The following KLRG1 variants were observed in gnomAD, a reference collection of about 807,000 sequenced individuals.
The protein encoded by KLRG1 is killer cell lectin-like receptor subfamily G member 1.
In KLRG1, 16 loss-of-function variants were observed where a neutral mutation model predicts 21.8. The ratio of observed to expected loss-of-function variants is 0.73; its 90% CI spans 0.50 to 1.11. The LOEUF (loss-of-function observed/expected upper bound fraction) is 1.11. KLRG1 is among the 50% of genes most tolerant of loss of function. KLRG1 has a pLI of 0.00. For missense variants in KLRG1, 173 were observed against 218.3 expected (o/e 0.79, Z 1.31); for synonymous variants, 69 against 75.9 (o/e 0.91, Z 0.47).
the KLRG1 span, among the ~76,000 whole-genome samples, chr12:9,059,455 T>G: frequency 6.6e-6 from 1 of 152,206 alleles, no homozygotes; most frequent in East Asian, 1.9e-4. Context: ...ATTCTTACAT[T>G]GGATTAAAAA....
At chr12:9,079,810 T>C in the KLRG1 span, 221 of 1,604,592 alleles carry the variant, frequency 1.4e-4, no homozygotes, top group Non-Finnish European at 1.7e-4. Context: ...GAGCCTAATA[T>C]GTCTCCTAGA....
chr12:9,067,772 TG>T, the KLRG1 span: 1 of 1,586,598 alleles, frequency 6.3e-7, no homozygotes. Flanking sequence ...GTGTCTTCTG[TG>T]GAGCTCTGAG....
At chr12:9,070,344 T>C in the KLRG1 span, 1 of 641,816 alleles carries the variant, frequency 1.6e-6, no homozygotes, top group Non-Finnish European at 2.8e-6. Flanking sequence ...TACAAACACA[T>C]GTGATTATAT....
At chr12:9,046,010 C>T in the KLRG1 span, among the ~76,000 whole-genome samples, 7 of 152,098 alleles carry the variant, frequency 4.6e-5, no homozygotes, top group Non-Finnish European at 7.4e-5. Context: ...CGGAGGGGAA[C>T]GACAGACACT....
At chr12:9,125,214 C>T in the KLRG1 span, among the ~76,000 whole-genome samples, 4 of 152,224 alleles carry the variant, frequency 2.6e-5, no homozygotes, top group Non-Finnish European at 4.4e-5. Flanking sequence ...GACCTGCCTA[C>T]GGAGAGGAGC....
At chr12:9,085,587 C>A in the KLRG1 span, among the ~76,000 whole-genome samples, 1 of 151,796 alleles carries the variant, frequency 6.6e-6, no homozygotes, top group Non-Finnish European at 1.5e-5. Context: ...TAATGATATT[C>A]CTCAGAGAAG....
the KLRG1 span, among the ~76,000 whole-genome samples, chr12:9,191,473 T>A: frequency 6.6e-6 from 1 of 152,044 alleles, no homozygotes; most frequent in African/African-American, 2.4e-5. Flanking sequence ...TTGTTTCAAT[T>A]TTCAAAACTG....
chr12:9,146,130 A>G, the KLRG1 span, among the ~76,000 whole-genome samples: 1 of 151,170 alleles, frequency 6.6e-6, no homozygotes, highest in Admixed American at 6.6e-5. Flanking sequence ...TTCTCTTTCT[A>G]TTCTCCTTTT....
the KLRG1 span, among the ~76,000 whole-genome samples, chr12:9,151,316 G>A: frequency 6.6e-6 from 1 of 152,142 alleles, no homozygotes; most frequent in Non-Finnish European, 1.5e-5. Flanking sequence ...TCGTCAGGGA[G>A]TGGGGCCTTT....
chr12:9,197,606 T>C, the KLRG1 span, among the ~76,000 whole-genome samples: 1 of 102,510 alleles, frequency 9.8e-6, no homozygotes, highest in South Asian at 2.7e-4. Context: ...AAATATAATA[T>C]ATATTATATA....
At position 9,009,481 on chromosome 12, in the gene KLRG1, C is replaced by G. The variant is rs1565555176; in HGVS notation, c.514C>G (p.Gln172Glu). 1.9e-6 allele frequency: 3 copies of G among 1,613,840 alleles called. No individual in the cohort carries two copies. Among genetic ancestry groups the G allele is most frequent in the East Asian group, 4.5e-5 (2 of 44,852 alleles). Residue 172 changes from glutamine to glutamate, a missense_variant, in exon 5 of 5, where the codon CAA (glutamine) becomes GAA (glutamate). By Grantham distance (29) the Gln-to-Glu change is conservative (BLOSUM62 2). Transcript: ENST00000356986. ...TCGAINKNGL[Q>E]ASSCEVPLHW... is the part of the protein sequence containing the mutation. ...CGGTGCCATCAACAAAAATGGTCTTCAAGCCTCAAGCTGTGAAGTTCCTTT... is the reference window on the plus strand; with the variant it reads ...CGGTGCCATCAACAAAAATGGTCTTGAAGCCTCAAGCTGTGAAGTTCCTTT...
At chr12:9,056,444 T>C in the KLRG1 span, among the ~76,000 whole-genome samples, 1 of 152,248 alleles carries the variant, frequency 6.6e-6, no homozygotes, top group Non-Finnish European at 1.5e-5. Context: ...CCATATTTGC[T>C]TCTTTTTTCT....
the KLRG1 span, chr12:9,101,217 A>G: frequency 4.5e-6 from 7 of 1,554,844 alleles, no homozygotes; most frequent in East Asian, 7.3e-5. Flanking sequence ...TCTGCAAAAA[A>G]GGAAATAAAA....
chr12:9,170,558 G>A, the KLRG1 span, among the ~76,000 whole-genome samples: 6 of 152,176 alleles, frequency 3.9e-5, no homozygotes, highest in South Asian at 2.1e-4. The surrounding 1 kb of genome is among the most constrained non-coding windows in gnomAD (Gnocchi z 4.6). Context: ...TCAGCCAGCC[G>A]ACGGCAGTGG....
the KLRG1 span, chr12:9,160,471 A>G: frequency 6.2e-7 from 1 of 1,613,562 alleles, no homozygotes; most frequent in Non-Finnish European, 8.5e-7. Flanking sequence ...TATTTTGCAT[A>G]GCAGAACCTA....
chr12:8,979,442 A>G (rs1025463532), intron 1 of KLRG1, among the ~76,000 whole-genome samples: 3 of 152,196 alleles, frequency 2.0e-5, no homozygotes, highest in African/African-American at 4.8e-5. Flanking sequence ...TGAGAAATCT[A>G]CTGATAGTCT....
the KLRG1 span, chr12:9,106,182 G>T: frequency 2.9e-6 from 3 of 1,033,716 alleles, no homozygotes; most frequent in Non-Finnish European, 4.5e-6. Flanking sequence ...CATAACTATT[G>T]TGCTAATTAG....
chr12:9,019,022 T>C, the KLRG1 span, among the ~76,000 whole-genome samples: 11,340 of 152,202 alleles, frequency 0.075, 607 homozygotes, highest in African/African-American at 0.15. Context: ...AAACTATCCA[T>C]CTGACAAGGG....
At chr12:9,073,574 A>G in the KLRG1 span, among the ~76,000 whole-genome samples, 2 of 152,230 alleles carry the variant, frequency 1.3e-5, no homozygotes, top group Admixed American at 6.5e-5. Context: ...TTCATATGAT[A>G]AAAGATTAAT....
Sources: gnomAD v4.1 joint callset for allele counts (sites outside exome capture counted in the v4.1 genomes callset) on GRCh38, gnomAD v4.1.1 for gene constraint, Gnocchi (gnomAD v3.1) non-coding constraint, MANE v1.5 for transcripts, NCBI Gene and HGNC (gene_info 2026-07-23, HGNC 2026-07-21) for gene names.